SPATA16: variants seen among roughly 807,000 people sequenced by gnomAD.
The protein encoded by SPATA16 is spermatogenesis-associated protein 16.
Under a neutral mutation model 63.3 loss-of-function variants are expected in SPATA16, and 36 were observed. The ratio of observed to expected loss-of-function variants is 0.57; its 90% CI spans 0.44 to 0.75. The LOEUF is 0.75. Ranked by LOEUF, SPATA16 falls within the 30% of genes least tolerant of loss-of-function variation. SPATA16 has a pLI of 0.00. For synonymous variants in SPATA16, 203 were observed against 216.7 expected, an observed-to-expected ratio of 0.94 and a Z score of 0.56; for missense variants, 646 against 679.3, an observed-to-expected ratio of 0.95 and a Z score of 0.54.
chr3:172,928,761 G>A (rs914043001), intron 6 of SPATA16, among the ~76,000 whole-genome samples: 2 of 152,156 alleles, frequency 1.3e-5, no homozygotes, highest in African/African-American at 4.8e-5. Flanking sequence ...CATCCTGTGA[G>A]TATTTGACCC....
chr3:173,070,302 C>T (rs929974030), intron 2 of SPATA16, among the ~76,000 whole-genome samples: 7 of 149,784 alleles, frequency 4.7e-5, no homozygotes, highest in South Asian at 2.1e-4. Flanking sequence ...GGCTGAGGCA[C>T]GAGAATTGCT....
intron 6 of SPATA16, among the ~76,000 whole-genome samples, chr3:172,949,084 C>T (rs1001092683): frequency 1.3e-5 from 2 of 151,948 alleles, no homozygotes; most frequent in East Asian, 1.9e-4. Flanking sequence ...TAATAAAGGG[C>T]CAGTAAAGGG....
Position 173,080,510 on chromosome 3 carries a change from G to A in SPATA16, c.613-31416C>T, listed in dbSNP as rs80105977. ...GAGACAGAGCTGGGGGTGTGATGGC[G>A]GAGAGAGGAAGGATGAGGATGACGG... On this transcript the variant is annotated intron_variant, in intron 2 of 10. Coordinates refer to ENST00000351008, the MANE Select transcript of SPATA16 (RefSeq NM_031955.6). Among the ~76,000 whole-genome samples, 1,273 of 152,256 alleles carry A rather than the reference G, an allele frequency of 8.4e-3. 24 individuals carry two copies. Among genetic ancestry groups the A allele is most frequent in the African/African-American group, 0.029 (1,213 of 41,534 alleles).
chr3:172,979,690 A>G (rs992640169), intron 4 of SPATA16, among the ~76,000 whole-genome samples: 2 of 152,124 alleles, frequency 1.3e-5, no homozygotes, highest in Non-Finnish European at 2.9e-5. Flanking sequence ...ATTGTTTGCT[A>G]CATTCTTAAG....
intron 2 of SPATA16, among the ~76,000 whole-genome samples, chr3:173,050,663 A>T (rs1234480106): frequency 6.6e-6 from 1 of 152,116 alleles, no homozygotes; most frequent in Admixed American, 6.5e-5. Flanking sequence ...TATACAAATG[A>T]TAAAATGTAG....
chr3:172,946,590 G>C (rs1020698695), intron 6 of SPATA16, among the ~76,000 whole-genome samples: 2 of 152,042 alleles, frequency 1.3e-5, no homozygotes, highest in African/African-American at 2.4e-5. Context: ...GTGGCCCCAG[G>C]GGGAGACTCC....
chr3:173,108,799 T>C (rs1737680106), intron 2 of SPATA16, among the ~76,000 whole-genome samples: 1 of 152,208 alleles, frequency 6.6e-6, no homozygotes, highest in African/African-American at 2.4e-5. Context: ...ACAAATACTA[T>C]TGTGTTACAA....
At chr3:173,019,356 A>G (rs1449612545) in intron 4 of SPATA16, 130 bp downstream of exon 4, 4 of 855,012 alleles carry the variant, frequency 4.7e-6, no homozygotes, top group Non-Finnish European at 8.0e-6. Flanking sequence ...TTTGACGTTG[A>G]TAGACAATAA....
Position 173,049,036 on chromosome 3 carries a change from G to A in SPATA16, c.671C>T (p.Ala224Val). Reference protein sequence around the residue: ...EPFDAPAEDIASVASFIETKL... With the variant: ...EPFDAPAEDIVSVASFIETKL... The stretch of plus-strand genomic sequence containing the variant: ...TGTCTCAATGAAACTTGCCACGCTT[G>A]CTATATCTTCAGCAGGTGCATCAAA... Residue 224 changes from alanine to valine, a missense_variant, in exon 3 of 11, where the codon GCA becomes GTA. Ala to Val is a moderately conservative substitution (Grantham distance 64). Transcript: ENST00000351008. The A allele has an allele frequency of 6.2e-7, 1 of 1,613,738 alleles. No homozygotes were observed.
chr3:172,990,608 T>G (rs1734553849), intron 4 of SPATA16, among the ~76,000 whole-genome samples: 1 of 152,162 alleles, frequency 6.6e-6, no homozygotes, highest in Non-Finnish European at 1.5e-5. Context: ...CAAAAGCTAT[T>G]GACCTCTTGC....
At chr3:173,102,269 T>C (rs891585854) in intron 2 of SPATA16, among the ~76,000 whole-genome samples, 3 of 152,258 alleles carry the variant, frequency 2.0e-5, no homozygotes, top group Non-Finnish European at 4.4e-5. Flanking sequence ...GAACTCTTCC[T>C]ATCTCAATGG....
intron 2 of SPATA16, among the ~76,000 whole-genome samples, chr3:173,092,932 A>C (rs2108320425): frequency 6.6e-6 from 1 of 152,076 alleles, no homozygotes; most frequent in East Asian, 1.9e-4. Flanking sequence ...CTTTTTCTGA[A>C]GTAGTCCCCT....
At chr3:172,942,323 G>T (rs148570799) in intron 6 of SPATA16, among the ~76,000 whole-genome samples, 1 of 152,192 alleles carries the variant, frequency 6.6e-6, no homozygotes, top group Non-Finnish European at 1.5e-5. Flanking sequence ...ATTTTTAAGA[G>T]AATATTTTAA....
At chr3:172,951,664 C>G (rs1488300365) in intron 6 of SPATA16, among the ~76,000 whole-genome samples, 1 of 152,158 alleles carries the variant, frequency 6.6e-6, no homozygotes, top group East Asian at 1.9e-4. Flanking sequence ...AATACTCTCC[C>G]TGCTCATCAC....
intron 2 of SPATA16, among the ~76,000 whole-genome samples, chr3:173,061,358 G>A (rs1736374047): frequency 6.6e-6 from 1 of 152,210 alleles, no homozygotes; most frequent in African/African-American, 2.4e-5. Flanking sequence ...GCATGCAATG[G>A]ATATAGGTAA....
At chr3:173,123,729 G>C (rs1274411867) in intron 1 of SPATA16, among the ~76,000 whole-genome samples, 1 of 150,534 alleles carries the variant, frequency 6.6e-6, no homozygotes, top group Non-Finnish European at 1.5e-5. Context: ...TCAGCCTCCC[G>C]AGTATCTGGG....
intron 2 of SPATA16, among the ~76,000 whole-genome samples, chr3:173,098,945 TCAACCAAC>T (rs541883923): frequency 3.3e-5 from 5 of 151,964 alleles, no homozygotes; most frequent in Non-Finnish European, 5.9e-5. Flanking sequence ...TTGGCAAAAA[TCAACCAAC>T]CAACCAACCA....
chr3:173,038,663 T>A (rs1202158188), intron 3 of SPATA16, among the ~76,000 whole-genome samples: 1 of 152,082 alleles, frequency 6.6e-6, no homozygotes, highest in Non-Finnish European at 1.5e-5. Context: ...AGTTTTCTCC[T>A]TGTTGATAAG....
At position 172,993,439 on chromosome 3, in the gene SPATA16, G is replaced by GA. The variant is rs1374669623; in HGVS notation, c.849-16388dup. Among the ~76,000 whole-genome samples the GA allele has an allele frequency of 4.6e-5, 7 of 151,992 alleles. No homozygotes were observed. In the South Asian group the frequency reaches 8.3e-4, roughly 18 times the overall value. On this transcript the variant is annotated intron_variant, in intron 4 of 10. Coordinates refer to ENST00000351008, the MANE Select transcript of SPATA16 (RefSeq NM_031955.6). ...GTGGGTGGTCCTCTAAGCCTTCCAG[G>GA]AAAAAAAGTAGTAATTAATTGAGGG...
Sources: allele counts gnomAD v4.1 joint callset (sites outside exome capture counted in the v4.1 genomes callset), GRCh38; gene constraint gnomAD v4.1.1; transcripts MANE v1.5; gene names NCBI Gene and HGNC (gene_info 2026-07-23, HGNC 2026-07-21).